PAM: variants seen among roughly 807,000 people sequenced by gnomAD.
The protein encoded by PAM is peptidylglycine alpha-amidating monooxygenase.
A neutral mutation model predicts 122.1 loss-of-function variants in PAM; 72 were observed. The ratio of observed to expected loss-of-function variants is 0.59; its 90% CI spans 0.49 to 0.72. The LOEUF is 0.72. Ranked by LOEUF, PAM falls within the 30% of genes least tolerant of loss-of-function variation. PAM has a pLI of 0.00. For synonymous variants in PAM, 389 were observed against 404.4 expected (o/e 0.96, Z 0.46); for missense variants, 1,106 against 1,183.7 (o/e 0.93, Z 0.96).
rs542082215 is a variant in PAM at position 102,993,563 on chromosome 5, A to G, written c.1613+3162A>G. Among the ~76,000 whole-genome samples, 31 of 152,302 alleles carry G rather than the reference A, an allele frequency of 2.0e-4. 2 individuals carry two copies. In the South Asian group the frequency reaches 6.2e-3, roughly 31 times the overall value. On this transcript the variant is annotated intron_variant, in intron 16 of 25. Transcript: ENST00000438793. ...AGTTGGAAGGGATCTTGGAATTAGTATAACTTCAGATTCTTTCTGTTACAA... is the reference window on the plus strand; with the variant it reads ...AGTTGGAAGGGATCTTGGAATTAGTGTAACTTCAGATTCTTTCTGTTACAA...
At chr5:102,998,397 G>A (rs1260828671) in intron 16 of PAM, among the ~76,000 whole-genome samples, 1 of 152,138 alleles carries the variant, frequency 6.6e-6, no homozygotes, top group African/African-American at 2.4e-5. Flanking sequence ...GGTCTAATAC[G>A]AGGATATATA....
intron 1 of PAM, among the ~76,000 whole-genome samples, chr5:102,779,230 A>G (rs1208019720): frequency 6.7e-6 from 1 of 150,030 alleles, no homozygotes; most frequent in Non-Finnish European, 1.5e-5. Context: ...GTGTGTGTAT[A>G]TATATGTGTA....
At chr5:102,877,940 G>C (rs1475279766) in intron 3 of PAM, among the ~76,000 whole-genome samples, 1 of 151,926 alleles carries the variant, frequency 6.6e-6, no homozygotes, top group African/African-American at 2.4e-5. Flanking sequence ...TGTGACAGGA[G>C]GCTCTTGAGC....
chr5:103,011,846 C>A (rs1421141211), intron 21 of PAM, among the ~76,000 whole-genome samples: 3 of 152,130 alleles, frequency 2.0e-5, no homozygotes, highest in Non-Finnish European at 2.9e-5. Flanking sequence ...CCAAACTGTT[C>A]TATATAGTTT....
chr5:102,776,722 T>C (rs1045050960), intron 1 of PAM, among the ~76,000 whole-genome samples: 1 of 152,154 alleles, frequency 6.6e-6, no homozygotes, highest in Admixed American at 6.6e-5. Context: ...ATTAAGTTTC[T>C]TCACATTGTT....
At chr5:102,862,306 G>A (rs1429560800) in intron 1 of PAM, among the ~76,000 whole-genome samples, 2 of 150,436 alleles carry the variant, frequency 1.3e-5, no homozygotes, top group African/African-American at 4.9e-5. Flanking sequence ...ATTGAAGGAC[G>A]TTTAAATTGC....
intron 18 of PAM, among the ~76,000 whole-genome samples, chr5:103,006,395 T>C (rs1409323223): frequency 2.6e-5 from 4 of 152,210 alleles, no homozygotes; most frequent in Non-Finnish European, 5.9e-5. Context: ...AAGCGTAATA[T>C]GCTTTTCATG....
At chr5:102,998,404 TATAA>T (rs1218180769) in intron 16 of PAM, among the ~76,000 whole-genome samples, 3 of 152,212 alleles carry the variant, frequency 2.0e-5, no homozygotes, top group Non-Finnish European at 2.9e-5. Context: ...TACGAGGATA[TATAA>T]TAGGCATTTG....
intron 1 of PAM, among the ~76,000 whole-genome samples, chr5:102,782,569 A>T (rs935296652): frequency 1.3e-5 from 2 of 152,228 alleles, no homozygotes; most frequent in South Asian, 2.1e-4. Context: ...TTCAAACATA[A>T]TATTTGAAAG....
At chr5:102,981,106 A>G (rs1415214739) in intron 15 of PAM, among the ~76,000 whole-genome samples, 4 of 152,208 alleles carry the variant, frequency 2.6e-5, no homozygotes, top group African/African-American at 9.6e-5. Context: ...TAGGCTCAAA[A>G]CAACCTATGC....
intron 1 of PAM, among the ~76,000 whole-genome samples, chr5:102,793,138 T>A (rs1450747595): frequency 1.3e-5 from 2 of 152,220 alleles, no homozygotes; most frequent in African/African-American, 4.8e-5. Flanking sequence ...TGTGAATTTT[T>A]TATAGAACAC....
intron 1 of PAM, among the ~76,000 whole-genome samples, chr5:102,839,108 A>G (rs1034889194): frequency 5.3e-5 from 8 of 152,216 alleles, no homozygotes; most frequent in African/African-American, 1.9e-4. Flanking sequence ...ACCACCACCC[A>G]GGTCAAGAAA....
chr5:102,818,269 C>T (rs1381238145), intron 1 of PAM, among the ~76,000 whole-genome samples: 1 of 151,870 alleles, frequency 6.6e-6, no homozygotes, highest in African/African-American at 2.4e-5. Context: ...AGCAACATAA[C>T]AAAGAGTATA....
chr5:102,977,656 GCGCA>G (rs1435136226), intron 15 of PAM, among the ~76,000 whole-genome samples: 3 of 113,038 alleles, frequency 2.7e-5, no homozygotes, highest in Admixed American at 9.0e-5. Flanking sequence ...ACATGCATGT[GCGCA>G]CACACACACA....
At position 102,991,220 on chromosome 5, in the gene PAM, C is replaced by G. The variant is rs530832291; in HGVS notation, c.1613+819C>G. On this transcript the variant is annotated intron_variant, in intron 16 of 25. Coordinates refer to ENST00000438793, the MANE Select transcript of PAM (RefSeq NM_001177306.2). ...ACTCCAGAGTTGGCCCACTTAGCCA[C>G]TTTATGATACTGCTTTTAATGGAAT... is the stretch of plus-strand genomic sequence containing the variant. 3.9e-5 allele frequency among the ~76,000 whole-genome samples: 6 copies of G among 152,256 alleles called. No homozygotes were observed. In the South Asian group the frequency reaches 1.2e-3, roughly 32 times the overall value.
At chr5:102,994,225 A>T (rs1774995745) in intron 16 of PAM, among the ~76,000 whole-genome samples, 1 of 152,144 alleles carries the variant, frequency 6.6e-6, no homozygotes, top group Non-Finnish European at 1.5e-5. Context: ...CCTAGATATG[A>T]GACATGCTTT....
intron 1 of PAM, among the ~76,000 whole-genome samples, chr5:102,826,349 A>G (rs1451882857): frequency 6.6e-6 from 1 of 152,208 alleles, no homozygotes; most frequent in African/African-American, 2.4e-5. Flanking sequence ...TTTATGATTC[A>G]AGGGACTTGA....
intron 3 of PAM, among the ~76,000 whole-genome samples, chr5:102,882,912 G>A (rs1452889675): frequency 1.3e-5 from 2 of 151,932 alleles, no homozygotes; most frequent in Non-Finnish European, 2.9e-5. Context: ...TGAGAGATGA[G>A]GATCCAGTTT....
chr5:102,867,068 T>C (rs1013568766), intron 2 of PAM, among the ~76,000 whole-genome samples: 1 of 152,214 alleles, frequency 6.6e-6, no homozygotes, highest in African/African-American at 2.4e-5. Flanking sequence ...ATATTTTATT[T>C]ACAAATTAGG....
Sources: allele counts gnomAD v4.1 joint callset (sites outside exome capture counted in the v4.1 genomes callset), GRCh38; gene constraint gnomAD v4.1.1; transcripts MANE v1.5; gene names NCBI Gene and HGNC (gene_info 2026-07-23, HGNC 2026-07-21).